The following IGSF9B variants were observed in gnomAD, a reference collection of about 807,000 sequenced individuals.
IGSF9B encodes the protein immunoglobulin superfamily member 9B, also known as protein turtle homolog B.
Under a neutral mutation model 143.7 loss-of-function variants are expected in IGSF9B, and 48 were observed. The ratio of observed to expected loss-of-function variants is 0.33; its 90% confidence interval spans 0.26 to 0.42. IGSF9B has a LOEUF of 0.42. Among genes scored for constraint, IGSF9B ranks in the 20% least tolerant of loss-of-function variants. The pLI is 1.00. For missense variants in IGSF9B, 1,706 were observed against 1,980.0 expected (o/e 0.86, Z 2.63); for synonymous variants, 903 against 833.1 (o/e 1.08, Z -1.44).
rs1210268521 is a variant in IGSF9B at position 133,902,216 on chromosome 11, C to T, written c.*6853G>A. ...CCAGACACACCACAAGCATACACCACACGCAACATACACACACCAAACCAC... is the reference window on the plus strand; with the variant it reads ...CCAGACACACCACAAGCATACACCATACGCAACATACACACACCAAACCAC... On this transcript the variant is annotated 3_prime_UTR_variant, in exon 20 of 20. Coordinates refer to ENST00000533871, the MANE Select transcript of IGSF9B (RefSeq NM_001277285.4). Among the ~76,000 whole-genome samples the T allele has an allele frequency of 6.8e-6, 1 of 146,584 alleles. No individual in the cohort carries two copies. The highest frequency in any genetic ancestry group is 1.5e-5 in the Non-Finnish European group (1 of 66,630).
chr11:133,926,828 A>C (rs990919423), intron 13 of IGSF9B, 88 bp downstream of exon 13: 3 of 1,140,680 alleles, frequency 2.6e-6, no homozygotes, highest in South Asian at 1.5e-5. Flanking sequence ...GTACCGGCAC[A>C]CAGGAGGCCG....
Position 133,907,366 on chromosome 11 carries a change from A to T in IGSF9B, c.*1703T>A. On this transcript the variant is annotated 3_prime_UTR_variant, in exon 20 of 20. Coordinates refer to ENST00000533871, the MANE Select transcript of IGSF9B (RefSeq NM_001277285.4). ...ACTGGGCCAAGCCCATGGCAGCTGC[A>T]TGAGACCAGCAGAAGCCATCCAATG... is the stretch of plus-strand genomic sequence containing the variant. 6.6e-6 allele frequency among the ~76,000 whole-genome samples: 1 copy of T among 152,270 alleles called. No individual in the cohort carries two copies. The highest frequency in any genetic ancestry group is 1.9e-4 in the East Asian group (1 of 5,192).
At position 133,911,917 on chromosome 11, in the gene IGSF9B, G is replaced by A; in HGVS notation, c.4074C>T (p.Ser1358=). The A allele has an allele frequency of 3.3e-6, 5 of 1,534,830 alleles. No homozygotes were observed. Among genetic ancestry groups the A allele is most frequent in the South Asian group, 1.2e-5 (1 of 83,882 alleles). The change falls in exon 19 of 20, where the codon TCC becomes TCT. Residue 1358 remains serine, a synonymous_variant. Coordinates refer to ENST00000533871, the MANE Select transcript of IGSF9B (RefSeq NM_001277285.4). The part of the protein sequence containing the change: ...YQRIKKPKKS[S]KGSSKSKKRS... ...GTTTCTTTGACTTCGAAGAGCCCTT[G>A]GATGACTTTTTGGGCTTCTTTATCC...
At chr11:133,955,773 C>A (rs1023061755) in intron 1 of IGSF9B, among the ~76,000 whole-genome samples, 1 of 152,228 alleles carries the variant, frequency 6.6e-6, no homozygotes, top group African/African-American at 2.4e-5. Flanking sequence ...CGCGCGCTCA[C>A]GCACGCATCA....
Position 133,920,248 on chromosome 11 carries a change from G to T in IGSF9B, c.3477C>A (p.Gly1159=). Residue 1159 remains glycine (G), a synonymous_variant, in exon 18 of 20, where the codon GGC becomes GGA. Coordinates refer to ENST00000533871, the MANE Select transcript of IGSF9B (RefSeq NM_001277285.4). ...TGTCCAGGCCAAATGTGCTGGGGCC[G>T]CCGTGCGCCCCCGGCTCAGCCGGCT... ...YPEPAEPGAH[G]GPSTFGLDTR... 2 of 1,516,786 alleles carry T rather than the reference G, an allele frequency of 1.3e-6. No homozygotes were observed. The highest frequency in any genetic ancestry group is 1.8e-6 in the Non-Finnish European group (2 of 1,132,124). The allele number at this position is 1,516,786 out of a possible 1,614,324, so 94.0% of individuals were successfully genotyped here.
At chr11:133,946,902 C>A (rs1023607995) in intron 1 of IGSF9B, among the ~76,000 whole-genome samples, 2 of 152,180 alleles carry the variant, frequency 1.3e-5, no homozygotes, top group Non-Finnish European at 2.9e-5. Flanking sequence ...CAGGCTGAGC[C>A]GGCCTCTCCA....
In IGSF9B at chr11:133,913,557, G is replaced by A. The variant is rs1394247205; in HGVS notation, c.3984-1550C>T. Among the ~76,000 whole-genome samples the A allele has an allele frequency of 6.6e-6, 1 of 152,176 alleles. No individual in the cohort carries two copies. The highest frequency in any genetic ancestry group is 1.5e-5 in the Non-Finnish European group (1 of 68,034). ...TTTCAAAAGGCTCCCTCAAAGTTCA[G>A]GTCACGGTCAACCTCTTGACTTTCC... On this transcript the variant is annotated intron_variant, in intron 18 of 19. Coordinates refer to ENST00000533871, the MANE Select transcript of IGSF9B (RefSeq NM_001277285.4). This position sits in a 1 kb window ranked among gnomAD's most constrained non-coding sequence, Gnocchi z 4.6.
chr11:133,922,848 G>A (rs73032079), intron 15 of IGSF9B, 118 bp from the exon 16 acceptor site: 56,892 of 941,900 alleles, frequency 0.06, 1,901 homozygotes, highest in Middle Eastern at 0.1. Context: ...GTCAAGGCTC[G>A]GGCTCCAAGC....
At position 133,948,848 on chromosome 11, in the gene IGSF9B, G is replaced by C. The variant is rs1443448067; in HGVS notation, c.65-2590C>G. On this transcript the variant is annotated intron_variant, in intron 1 of 19. Transcript: ENST00000533871. The surrounding 1 kb of genome is among the most constrained non-coding windows in gnomAD (Gnocchi z 4.7). ...AGGGGGACAGCAGGCACCTCCAACAGTGGAGTTTGCTCTGGTGAGCTGGCT... is the reference window on the plus strand; with the variant it reads ...AGGGGGACAGCAGGCACCTCCAACACTGGAGTTTGCTCTGGTGAGCTGGCT... 5.3e-5 allele frequency among the ~76,000 whole-genome samples: 8 copies of C among 152,208 alleles called. No individual in the cohort carries two copies. Among genetic ancestry groups the C allele is most frequent in the Non-Finnish European group, 7.3e-5 (5 of 68,030 alleles).
intron 18 of IGSF9B, chr11:133,919,189 A>G (rs1939459768): frequency 2.6e-6 from 1 of 388,694 alleles, no homozygotes; most frequent in Non-Finnish European, 5.2e-6. Flanking sequence ...CCTCCAGGAG[A>G]GGCTGAGGAG....
At position 133,896,667 on chromosome 11, in the gene IGSF9B, C is replaced by T. The variant is rs990701477; in HGVS notation, c.*12402G>A. The T allele has an allele frequency of 2.0e-5, 3 of 152,144 alleles. No individual in the cohort carries two copies. The highest frequency in any genetic ancestry group is 4.4e-5 in the Non-Finnish European group (3 of 68,030). 9.4% of individuals were successfully genotyped at this position (152,144 alleles called of 1,614,324 possible). ...ATTTGTAATTCAGGATATGAACATG[C>T]AGTGTTACTGGGGATGAGTTGGTTA... On this transcript the variant is annotated 3_prime_UTR_variant, in exon 20 of 20. Coordinates refer to ENST00000533871, the MANE Select transcript of IGSF9B (RefSeq NM_001277285.4).
Position 133,897,519 on chromosome 11 carries a change from C to G in IGSF9B, c.*11550G>C, listed in dbSNP as rs2121244930. On this transcript the variant is annotated 3_prime_UTR_variant, in exon 20 of 20. Coordinates refer to ENST00000533871, the MANE Select transcript of IGSF9B (RefSeq NM_001277285.4). ...CCAGGGTGCCCTTGGCCCACAGGTC[C>G]CCAAGACCCAGCCCCAGGCTTGGCA... 6.6e-6 allele frequency: 1 copy of G among 151,948 alleles called. No homozygotes were observed. The highest frequency in any genetic ancestry group is 1.5e-5 in the Non-Finnish European group (1 of 68,058). 9.4% of individuals were successfully genotyped at this position (151,948 alleles called of 1,614,324 possible). A position where few individuals can be genotyped will look rare whatever the true frequency, so the allele number is the denominator to read the frequency against.
chr11:133,920,365 C>T lies in IGSF9B; in HGVS notation c.3360G>A (p.Lys1120=). The part of the protein sequence containing the change: ...RGPVPAPPAA[K]WQDRPMQPLV... ...GAGGTTGCATAGGTCTGTCCTGCCA[C>T]TTGGCGGCGGGGGGCGCTGGGACAG... Residue 1120 remains lysine (K), a synonymous_variant, in exon 18 of 20, where the codon AAG becomes AAA. Transcript: ENST00000533871. The T allele has an allele frequency of 6.2e-6, 10 of 1,605,364 alleles. No homozygotes were observed. The highest frequency in any genetic ancestry group is 8.5e-6 in the Non-Finnish European group (10 of 1,176,278).
At position 133,905,548 on chromosome 11, in the gene IGSF9B, T is replaced by C. The variant is rs10894762; in HGVS notation, c.*3521A>G. ...AAATCAAAAATAAAGACAGAGAGCA[T>C]GGAAAAATAACAAGAAATACTCGGC... is the stretch of plus-strand genomic sequence containing the variant. On this transcript the variant is annotated 3_prime_UTR_variant, in exon 20 of 20. Transcript: ENST00000533871. This position sits in a 1 kb window ranked among gnomAD's most constrained non-coding sequence, Gnocchi z 4.0. Among the ~76,000 whole-genome samples the C allele has an allele frequency of 0.2, 30,370 of 152,056 alleles. 4,030 individuals carry two copies. Among genetic ancestry groups the C allele is most frequent in the East Asian group, 0.53 (2,713 of 5,158 alleles).
In IGSF9B at chr11:133,944,364, G is replaced by C. The variant is rs1158174189; in HGVS notation, c.265C>G (p.Arg89Gly). The change falls in exon 3 of 20, where the codon CGG becomes GGG. Residue 89 changes from arginine to glycine, a missense_variant and splice_region_variant. Physicochemically the swap from Arg to Gly is moderately radical, Grantham distance 125 (BLOSUM62 -2). Transcript: ENST00000533871. ...GATGCCTTATCATGAAGACTGGCCC[G>C]GCCTGGGGGAATAGAGCAGACAAAA... The part of the protein sequence containing the change: ...PPHVDPEYAG[R>G]ASLHDKASLR... 6.2e-7 allele frequency: 1 copy of C among 1,613,106 alleles called. No homozygotes were observed. Among genetic ancestry groups the C allele is most frequent in the African/African-American group, 1.3e-5 (1 of 74,926 alleles).
chr11:133,915,321 T>C (rs1251501056), intron 18 of IGSF9B, among the ~76,000 whole-genome samples: 1 of 133,072 alleles, frequency 7.5e-6, no homozygotes, highest in Non-Finnish European at 1.5e-5. Context: ...CAGGCTGGAG[T>C]GAAGTGGCGC....
Position 133,909,203 on chromosome 11 carries a change from T to C in IGSF9B, c.4180A>G (p.Lys1394Glu), listed in dbSNP as rs1019886901. The change falls in exon 20 of 20, where the codon AAG becomes GAG. Residue 1394 changes from lysine to glutamate, a missense_variant. By Grantham distance (56) the Lys-to-Glu change is moderately conservative (BLOSUM62 1). Coordinates refer to ENST00000533871, the MANE Select transcript of IGSF9B (RefSeq NM_001277285.4). This position sits in a 1 kb window ranked among gnomAD's most constrained non-coding sequence, Gnocchi z 4.2. The stretch of plus-strand genomic sequence containing the variant: ...TCAGGACGAGAATGTCTCTTCTTCT[T>C]TCGGAGGCAGACAGCTTCATCGGGC... Reference protein sequence around the residue: ...LWPDEAVCLRKKKRHSRPDPF... With the variant: ...LWPDEAVCLREKKRHSRPDPF... 1 of 1,535,806 alleles carries C rather than the reference T, an allele frequency of 6.5e-7. No individual in the cohort carries two copies. Among genetic ancestry groups the C allele is most frequent in the Non-Finnish European group, 8.7e-7 (1 of 1,146,722 alleles).
At chr11:133,915,303 C>CT (rs1254816296) in intron 18 of IGSF9B, among the ~76,000 whole-genome samples, 5 of 118,470 alleles carry the variant, frequency 4.2e-5, no homozygotes, top group African/African-American at 1.6e-4. Context: ...GACAGGGTCT[C>CT]TGTCACCCAG....
rs571839716 is a variant in IGSF9B at position 133,928,992 on chromosome 11, G to A, written c.1631+679C>T. On this transcript the variant is annotated intron_variant, in intron 12 of 19. Transcript: ENST00000533871. This position sits in a 1 kb window ranked among gnomAD's most constrained non-coding sequence, Gnocchi z 4.7. ...AGACAGAATAAAAACTAGACTACAG[G>A]AGGTGGGGAGGGTGAACACGTACAA... Among the ~76,000 whole-genome samples the A allele has an allele frequency of 1.3e-5, 2 of 152,310 alleles. No homozygotes were observed. Among genetic ancestry groups the A allele is most frequent in the South Asian group, 4.1e-4 (2 of 4,820 alleles).
Sources: allele counts gnomAD v4.1 joint callset (sites outside exome capture counted in the v4.1 genomes callset), GRCh38; gene constraint gnomAD v4.1.1; non-coding constraint Gnocchi (gnomAD v3.1); transcripts MANE v1.5; gene names NCBI Gene and HGNC (gene_info 2026-07-23, HGNC 2026-07-21).